HECW2: variants seen among roughly 807,000 people sequenced by gnomAD.
HECW2 encodes the protein E3 ubiquitin-protein ligase HECW2.
Under a neutral mutation model 175.2 loss-of-function variants are expected in HECW2, and 61 were observed. That is an observed-to-expected ratio of 0.35 (90% CI 0.28 to 0.43). The LOEUF (loss-of-function observed/expected upper bound fraction) is 0.43, where lower values mean the gene tolerates loss of function less well. HECW2 is among the 20% of genes least tolerant of loss of function. The pLI, the probability that HECW2 is intolerant of heterozygous loss-of-function variation, is 1.00. For synonymous variants in HECW2, 671 were observed against 731.0 expected, an observed-to-expected ratio of 0.92 and a Z score of 1.32; for missense variants, 1,524 against 2,000.5, an observed-to-expected ratio of 0.76 and a Z score of 4.54.
At chr2:196,560,929 A>G (rs1339337770) in intron 1 of HECW2, among the ~76,000 whole-genome samples, 1 of 152,172 alleles carries the variant, frequency 6.6e-6, no homozygotes, top group Non-Finnish European at 1.5e-5. Context: ...TGATGATTGC[A>G]TTAACTGCCC....
intron 1 of HECW2, among the ~76,000 whole-genome samples, chr2:196,561,504 G>A (rs553685306): frequency 7.7e-4 from 117 of 152,126 alleles, no homozygotes; most frequent in Non-Finnish European, 1.1e-3. Flanking sequence ...CACCCTATTC[G>A]TACACTCCCT....
At chr2:196,271,369 GC>G (rs780869975) in intron 16 of HECW2, 80 bp from the exon 17 acceptor site, 156 of 996,454 alleles carry the variant, frequency 1.6e-4, no homozygotes, top group Non-Finnish European at 2.1e-4. Context: ...AAACCTGTGT[GC>G]CCCACCGGGT....
At chr2:196,514,426 T>C (rs1688071872) in intron 1 of HECW2, among the ~76,000 whole-genome samples, 1 of 152,068 alleles carries the variant, frequency 6.6e-6, no homozygotes, top group Non-Finnish European at 1.5e-5. Flanking sequence ...CTGGGAGCCA[T>C]GAACAGCAGC....
At chr2:196,226,614 G>C (rs16847583) in intron 22 of HECW2, among the ~76,000 whole-genome samples, 3,528 of 152,236 alleles carry the variant, frequency 0.023, 137 homozygotes, top group African/African-American at 0.08. Flanking sequence ...ACTTCTAAGA[G>C]ATGTTGACAG....
chr2:196,377,775 T>C (rs1034486936), intron 2 of HECW2, among the ~76,000 whole-genome samples: 4 of 152,210 alleles, frequency 2.6e-5, no homozygotes, highest in African/African-American at 9.7e-5. Flanking sequence ...GCAATAACAA[T>C]TGCAACATCT....
intron 2 of HECW2, among the ~76,000 whole-genome samples, chr2:196,372,930 C>T (rs1693947663): frequency 6.6e-6 from 1 of 152,148 alleles, no homozygotes; most frequent in Non-Finnish European, 1.5e-5. Flanking sequence ...ACTCCCTAAA[C>T]TTTAGTTTTC....
chr2:196,205,845 T>G (rs1687048205), intron 28 of HECW2, among the ~76,000 whole-genome samples: 1 of 152,214 alleles, frequency 6.6e-6, no homozygotes, highest in Admixed American at 6.5e-5. Flanking sequence ...ATACCTACAT[T>G]GGCTATTTGC....
At chr2:196,398,381 T>C (rs574604871) in intron 2 of HECW2, among the ~76,000 whole-genome samples, 1 of 152,312 alleles carries the variant, frequency 6.6e-6, no homozygotes, top group Admixed American at 6.5e-5. Flanking sequence ...TTAACAAAAA[T>C]GTTATACCAT....
chr2:196,301,004 T>A (rs1205565881), intron 13 of HECW2, among the ~76,000 whole-genome samples: 1 of 152,112 alleles, frequency 6.6e-6, no homozygotes, highest in African/African-American at 2.4e-5. Context: ...ATCCATTAAC[T>A]ATTATCCCTG....
intron 2 of HECW2, among the ~76,000 whole-genome samples, chr2:196,363,730 G>A (rs538038312): frequency 1.3e-5 from 2 of 152,234 alleles, no homozygotes; most frequent in African/African-American, 2.4e-5. Flanking sequence ...AGGCTGAGGT[G>A]GGAGGAGCGC....
intron 14 of HECW2, among the ~76,000 whole-genome samples, chr2:196,279,311 G>A (rs6741681): frequency 0.16 from 24,780 of 152,172 alleles, 2,163 homozygotes; most frequent in Middle Eastern, 0.23. Flanking sequence ...GCCTCCCAAA[G>A]TGCTGGGATT....
rs138010653 is a variant in HECW2 at position 196,519,534 on chromosome 2, C to T, written c.-36+73974G>A. 1.9e-4 allele frequency among the ~76,000 whole-genome samples: 29 copies of T among 152,146 alleles called. No homozygotes were observed. In the East Asian group the frequency reaches 5.6e-3, roughly 29 times the overall value. On this transcript the variant is annotated intron_variant, in intron 1 of 28. Coordinates refer to ENST00000644978, the MANE Select transcript of HECW2 (RefSeq NM_001348768.2). ...AGAAACTGCTTAAATAAAAGTAATG[C>T]TTTATACCAGAAAAAAAATTTTGTT...
At chr2:196,323,915 GTTTGTTTT>G (rs1692049522) in intron 6 of HECW2, among the ~76,000 whole-genome samples, 6 of 68,822 alleles carry the variant, frequency 8.7e-5, no homozygotes, top group South Asian at 6.2e-4. Flanking sequence ...TTTGTTTTTT[GTTTGTTTT>G]TTTTTTTTTT....
chr2:196,244,379 T>C (rs1468514550), intron 19 of HECW2, among the ~76,000 whole-genome samples: 1 of 152,222 alleles, frequency 6.6e-6, no homozygotes, highest in Non-Finnish European at 1.5e-5. Flanking sequence ...TTGCCAACAT[T>C]TACAAATTAA....
At chr2:196,551,025 C>T (rs571144110) in intron 1 of HECW2, among the ~76,000 whole-genome samples, 1 of 152,208 alleles carries the variant, frequency 6.6e-6, no homozygotes, top group Non-Finnish European at 1.5e-5. Context: ...CAGTGCCAAA[C>T]ATTCAAACTT....
intron 1 of HECW2, among the ~76,000 whole-genome samples, chr2:196,523,038 G>T (rs1413218258): frequency 6.6e-6 from 1 of 151,456 alleles, no homozygotes; most frequent in African/African-American, 2.4e-5. Flanking sequence ...GCTTGATGGG[G>T]ATGGCATTGA....
At position 196,384,809 on chromosome 2, in the gene HECW2, T is replaced by G. The variant is rs928393603; in HGVS notation, c.293-41045A>C. Reference sequence around the variant, plus strand: ...GCATGCTTTATAAAATGTTAATCACTTCTCCTAAATACTTTTATTTAATCT... The same window carrying G: ...GCATGCTTTATAAAATGTTAATCACGTCTCCTAAATACTTTTATTTAATCT... On this transcript the variant is annotated intron_variant, in intron 2 of 28. Transcript: ENST00000644978. Among the ~76,000 whole-genome samples the G allele has an allele frequency of 2.0e-5, 3 of 152,348 alleles. No individual in the cohort carries two copies. In the East Asian group the frequency reaches 5.8e-4, roughly 29 times the overall value.
At chr2:196,435,260 C>A (rs1373210727) in intron 1 of HECW2, among the ~76,000 whole-genome samples, 1 of 152,050 alleles carries the variant, frequency 6.6e-6, no homozygotes, top group Admixed American at 6.5e-5. Context: ...AACTCTGATA[C>A]CATAAAAGAA....
At chr2:196,401,111 C>G (rs1199345324) in intron 2 of HECW2, among the ~76,000 whole-genome samples, 1 of 152,156 alleles carries the variant, frequency 6.6e-6, no homozygotes. Context: ...CAGTTTCATG[C>G]CTAGAAATTG....
Sources: allele counts gnomAD v4.1 joint callset (sites outside exome capture counted in the v4.1 genomes callset), GRCh38; gene constraint gnomAD v4.1.1; transcripts MANE v1.5; gene names NCBI Gene and HGNC (gene_info 2026-07-23, HGNC 2026-07-21).